Variants in FAM107B observed in about 807,000 individuals in gnomAD.
FAM107B encodes the protein family with sequence similarity 107 member B, also known as protein FAM107B.
Under a neutral mutation model 31.5 loss-of-function variants are expected in FAM107B, and 21 were observed. The observed-to-expected ratio is 0.67, with a 90% CI of 0.47 to 0.96. The LOEUF (loss-of-function observed/expected upper bound fraction) is 0.96. FAM107B is among the 40% of genes least tolerant of loss of function. The pLI is 0.00. For missense variants in FAM107B, 452 were observed against 377.1 expected, an observed-to-expected ratio of 1.20 and a Z score of -1.64; for synonymous variants, 157 against 141.5, an observed-to-expected ratio of 1.11 and a Z score of -0.78.
intron 1 of FAM107B, among the ~76,000 whole-genome samples, chr10:14,745,117 T>C (rs555534472): frequency 6.6e-6 from 1 of 152,330 alleles, no homozygotes; most frequent in South Asian, 2.1e-4. Flanking sequence ...GATTCTCTGA[T>C]GGTTGTTTGC....
chr10:14,723,046 G>C, intron 1 of FAM107B: 1 of 352,076 alleles, frequency 2.8e-6, no homozygotes, highest in South Asian at 2.3e-5. Context: ...TTATATTTAG[G>C]TCTTATATTT....
intron 1 of FAM107B, among the ~76,000 whole-genome samples, chr10:14,672,956 A>T (rs1854595877): frequency 1.3e-5 from 2 of 152,224 alleles, no homozygotes; most frequent in African/African-American, 4.8e-5. Flanking sequence ...TTGGAGACAG[A>T]AATAGAATTC....
At chr10:14,765,973 G>A (rs945351865) in intron 1 of FAM107B, among the ~76,000 whole-genome samples, 2 of 152,188 alleles carry the variant, frequency 1.3e-5, no homozygotes, top group South Asian at 2.1e-4. Flanking sequence ...TGGGTGATGG[G>A]TGATTACACA....
chr10:14,582,707 C>T (rs936757060), intron 2 of FAM107B, among the ~76,000 whole-genome samples: 33 of 151,862 alleles, frequency 2.2e-4, no homozygotes, highest in African/African-American at 6.3e-4. Context: ...GTACTGAGTA[C>T]TTATTCCATG....
rs559072100 is a variant in FAM107B, at chr10:14,545,866, C to T, written c.470-15351G>A. 7.9e-5 allele frequency among the ~76,000 whole-genome samples: 12 copies of T among 152,286 alleles called. No individual in the cohort carries two copies. In the South Asian group the frequency reaches 2.1e-3, roughly 26 times the overall value. ...GTTATTTTCTGAGGAGAAAACACCT[C>T]GGTCATTCATCTCAGGAAACTACAA... On this transcript the variant is annotated intron_variant, in intron 2 of 4. Coordinates refer to ENST00000181796, the MANE Select transcript of FAM107B (RefSeq NM_031453.4).
At chr10:14,585,967 G>A (rs925785728) in intron 2 of FAM107B, among the ~76,000 whole-genome samples, 5 of 152,136 alleles carry the variant, frequency 3.3e-5, no homozygotes, top group Non-Finnish European at 5.9e-5. Context: ...GGCACCCTCA[G>A]GGGGTTCTCC....
At chr10:14,538,563 T>C (rs191625809) in intron 2 of FAM107B, among the ~76,000 whole-genome samples, 9 of 152,336 alleles carry the variant, frequency 5.9e-5, no homozygotes, top group Admixed American at 2.0e-4. Context: ...CGGGAGTGAA[T>C]AGACGGCAGT....
chr10:14,601,026 CA>C (rs766625973), intron 2 of FAM107B, among the ~76,000 whole-genome samples: 56 of 152,336 alleles, frequency 3.7e-4, no homozygotes, highest in Non-Finnish European at 6.9e-4. Context: ...TTCAGCCTCC[CA>C]AAGCACTGGG....
At chr10:14,599,229 TC>T (rs377172714) in intron 2 of FAM107B, among the ~76,000 whole-genome samples, 5,552 of 150,900 alleles carry the variant, frequency 0.037, 135 homozygotes, top group Non-Finnish European at 0.06. Flanking sequence ...GGGCTCAGTG[TC>T]CCCCCCCACT....
At chr10:14,768,718 C>T (rs1833235801) in intron 1 of FAM107B, among the ~76,000 whole-genome samples, 1 of 152,216 alleles carries the variant, frequency 6.6e-6, no homozygotes, top group South Asian at 2.1e-4. Flanking sequence ...CACTCTCCTT[C>T]CTCTAAGTCC....
intron 1 of FAM107B, among the ~76,000 whole-genome samples, chr10:14,692,670 C>T (rs1197722692): frequency 6.6e-6 from 1 of 152,110 alleles, no homozygotes; most frequent in Non-Finnish European, 1.5e-5. Flanking sequence ...TCAAGAGTGT[C>T]GATTTGGATG....
At chr10:14,733,673 A>G (rs1856225861) in intron 1 of FAM107B, among the ~76,000 whole-genome samples, 2 of 152,318 alleles carry the variant, frequency 1.3e-5, no homozygotes, top group South Asian at 4.1e-4. Flanking sequence ...TTTCTCTCAC[A>G]ACCCTGGGAG....
At chr10:14,525,324 G>T (rs1028246026) in intron 3 of FAM107B, among the ~76,000 whole-genome samples, 5 of 151,940 alleles carry the variant, frequency 3.3e-5, no homozygotes, top group African/African-American at 1.2e-4. Flanking sequence ...TCCCAAGTCG[G>T]CTTCTCGGTC....
intron 2 of FAM107B, among the ~76,000 whole-genome samples, chr10:14,568,953 G>A (rs1850948655): frequency 6.6e-6 from 1 of 152,122 alleles, no homozygotes; most frequent in African/African-American, 2.4e-5. Context: ...GATGTCTGTG[G>A]GACACAGTGC....
intron 2 of FAM107B, among the ~76,000 whole-genome samples, chr10:14,618,776 G>A (rs1469117073): frequency 2.6e-5 from 4 of 152,148 alleles, no homozygotes; most frequent in Non-Finnish European, 4.4e-5. Context: ...GACAGAGGTT[G>A]CAGTGAGCCG....
At chr10:14,653,369 G>A (rs1017326439) in intron 2 of FAM107B, among the ~76,000 whole-genome samples, 1 of 152,188 alleles carries the variant, frequency 6.6e-6, no homozygotes, top group Non-Finnish European at 1.5e-5. Flanking sequence ...TCTAAAAGGT[G>A]CCAGGCACAC....
intron 1 of FAM107B, among the ~76,000 whole-genome samples, chr10:14,733,301 C>G (rs74122969): frequency 0.041 from 6,254 of 152,094 alleles, 227 homozygotes; most frequent in African/African-American, 0.1. Flanking sequence ...TCTAATGTAT[C>G]TGATTCAATT....
intron 2 of FAM107B, among the ~76,000 whole-genome samples, chr10:14,584,849 A>C: frequency 6.6e-6 from 1 of 152,196 alleles, no homozygotes; most frequent in East Asian, 1.9e-4. Context: ...TCTTCCAACC[A>C]ATCAGGCTGG....
intron 2 of FAM107B, among the ~76,000 whole-genome samples, chr10:14,585,713 C>G (rs755226184): frequency 7.2e-5 from 11 of 152,208 alleles, no homozygotes; most frequent in Non-Finnish European, 1.6e-4. Context: ...AGCCAAGCTC[C>G]GCCCATGAGA....
Sources: gnomAD v4.1 joint callset for allele counts (sites outside exome capture counted in the v4.1 genomes callset) on GRCh38, gnomAD v4.1.1 for gene constraint, MANE v1.5 for transcripts, NCBI Gene and HGNC (gene_info 2026-07-23, HGNC 2026-07-21) for gene names.